PLCH1: variants seen among roughly 807,000 people sequenced by gnomAD.
PLCH1 encodes phospholipase C eta 1.
PLCH1 carries 60 observed loss-of-function variants against 126.7 expected under a neutral mutation model. The ratio of observed to expected loss-of-function variants is 0.47; its 90% CI spans 0.38 to 0.59. The LOEUF is 0.59. Among genes scored for constraint, PLCH1 ranks in the 20% least tolerant of loss-of-function variants. The pLI, the probability that PLCH1 is intolerant of heterozygous loss-of-function variation, is 0.00. For missense variants in PLCH1, 1,723 were observed against 2,040.0 expected (o/e 0.84, Z 2.99); for synonymous variants, 719 against 734.9 (o/e 0.98, Z 0.35).
intron 2 of PLCH1, among the ~76,000 whole-genome samples, chr3:155,628,398 G>C (rs1175817185): frequency 1.4e-5 from 2 of 141,910 alleles, no homozygotes; most frequent in African/African-American, 5.4e-5. Context: ...CGAAGACACA[G>C]AGACACCAAG....
intron 2 of PLCH1, among the ~76,000 whole-genome samples, chr3:155,687,715 TGA>T (rs1433660413): frequency 6.6e-6 from 1 of 152,190 alleles, no homozygotes; most frequent in Non-Finnish European, 1.5e-5. Context: ...GTTGACATAC[TGA>T]GACTAAGTAT....
intron 1 of PLCH1, among the ~76,000 whole-genome samples, chr3:155,725,402 C>T (rs1748241841): frequency 6.7e-6 from 1 of 150,292 alleles, no homozygotes; most frequent in African/African-American, 2.4e-5. Flanking sequence ...ACCTATTTCC[C>T]TTTCTATTAT....
intron 21 of PLCH1, among the ~76,000 whole-genome samples, chr3:155,469,103 C>A (rs1713049692): frequency 6.6e-6 from 1 of 152,190 alleles, no homozygotes; most frequent in African/African-American, 2.4e-5. Flanking sequence ...CAGCTCCGGT[C>A]TACAGCTCCC....
chr3:155,501,977 A>G (rs1717968517), intron 13 of PLCH1, among the ~76,000 whole-genome samples: 2 of 152,022 alleles, frequency 1.3e-5, no homozygotes, highest in Non-Finnish European at 2.9e-5. Flanking sequence ...CCATAGGACC[A>G]TGCCACCTTC....
intron 2 of PLCH1, among the ~76,000 whole-genome samples, chr3:155,632,445 G>A (rs1316505660): frequency 2.6e-5 from 4 of 152,208 alleles, no homozygotes; most frequent in African/African-American, 9.6e-5. Context: ...CAAATCAGCT[G>A]TAAAGCGGTT....
intron 2 of PLCH1, among the ~76,000 whole-genome samples, chr3:155,661,077 A>G (rs1742079854): frequency 1.3e-5 from 2 of 152,248 alleles, no homozygotes; most frequent in Non-Finnish European, 2.9e-5. Context: ...CATTTCAAAT[A>G]CCATATATGA....
intron 4 of PLCH1, among the ~76,000 whole-genome samples, chr3:155,588,909 G>GA (rs1468602244): frequency 1.3e-5 from 2 of 152,006 alleles, no homozygotes; most frequent in African/African-American, 2.4e-5. Context: ...TTCCATAAAT[G>GA]AAAAAACCAT....
At chr3:155,467,061 TA>T (rs1335773203) in intron 21 of PLCH1, among the ~76,000 whole-genome samples, 1 of 152,174 alleles carries the variant, frequency 6.6e-6, no homozygotes, top group Non-Finnish European at 1.5e-5. Flanking sequence ...GAGAAAGAGA[TA>T]GGGGGTAGAA....
chr3:155,700,986 G>C (rs1177674536), intron 2 of PLCH1, among the ~76,000 whole-genome samples: 2 of 152,154 alleles, frequency 1.3e-5, no homozygotes, highest in African/African-American at 4.8e-5. Flanking sequence ...ATTCCTTTGG[G>C]TTTTTCCTAA....
chr3:155,674,247 CAAT>C (rs1743859231), intron 2 of PLCH1, among the ~76,000 whole-genome samples: 1 of 152,084 alleles, frequency 6.6e-6, no homozygotes, highest in Non-Finnish European at 1.5e-5. Context: ...TAAACAACAA[CAAT>C]AACAATAATT....
rs367577591 is a variant in PLCH1 at position 155,649,977 on chromosome 3, C to CA, written c.80-53600dup. On this transcript the variant is annotated intron_variant, in intron 2 of 22. Transcript: ENST00000460012. Reference sequence around the variant, plus strand: ...TGGGCGACAGAGTGAGACTCCTTCTCAAAAAAAAAAGAAGTAGAATTAACA... The same window carrying CA: ...TGGGCGACAGAGTGAGACTCCTTCTCAAAAAAAAAAAGAAGTAGAATTAACA... Among the ~76,000 whole-genome samples the CA allele has an allele frequency of 6.6e-3, 967 of 146,414 alleles. 14 individuals are homozygous for CA. The highest frequency in any genetic ancestry group is 0.023 in the African/African-American group (914 of 39,902).
At chr3:155,598,461 A>T (rs963343569) in intron 2 of PLCH1, among the ~76,000 whole-genome samples, 1 of 152,216 alleles carries the variant, frequency 6.6e-6, no homozygotes, top group South Asian at 2.1e-4. Flanking sequence ...CACTGACAAT[A>T]GATCATATCA....
chr3:155,634,468 C>T (rs1738483724), intron 2 of PLCH1, among the ~76,000 whole-genome samples: 1 of 152,208 alleles, frequency 6.6e-6, no homozygotes, highest in African/African-American at 2.4e-5. Context: ...GGACTGAAAC[C>T]ATGGGGCTTC....
At chr3:155,603,958 G>A (rs1471551015) in intron 2 of PLCH1, among the ~76,000 whole-genome samples, 2 of 151,936 alleles carry the variant, frequency 1.3e-5, no homozygotes, top group African/African-American at 4.8e-5. Flanking sequence ...AATTAACCAG[G>A]TCTCGTGGCA....
At chr3:155,618,771 G>A (rs1736101260) in intron 2 of PLCH1, among the ~76,000 whole-genome samples, 2 of 152,124 alleles carry the variant, frequency 1.3e-5, no homozygotes, top group South Asian at 4.1e-4. Context: ...TCAGCTTCCT[G>A]AGGAGCTTCC....
chr3:155,676,481 G>A, intron 2 of PLCH1: 1 of 776,160 alleles, frequency 1.3e-6, no homozygotes. Flanking sequence ...ACCTTCAGAG[G>A]TCATTGAGAA....
chr3:155,493,483 G>T (rs1039150072), intron 17 of PLCH1, among the ~76,000 whole-genome samples: 1 of 152,138 alleles, frequency 6.6e-6, no homozygotes, highest in Admixed American at 6.5e-5. Context: ...TGCCTCCTGG[G>T]TTCCAGCGAT....
chr3:155,527,986 G>A (rs1235067490), intron 10 of PLCH1, among the ~76,000 whole-genome samples: 2 of 151,418 alleles, frequency 1.3e-5, no homozygotes, highest in Non-Finnish European at 2.9e-5. Flanking sequence ...AACTTTGGGA[G>A]GCCAAGGAGG....
chr3:155,614,638 C>T lies in PLCH1; in HGVS notation c.80-18260G>A, dbSNP rs563969756. 5.9e-5 allele frequency among the ~76,000 whole-genome samples: 9 copies of T among 152,300 alleles called. No homozygotes were observed. In the South Asian group the frequency reaches 1.9e-3, roughly 32 times the overall value. On this transcript the variant is annotated intron_variant, in intron 2 of 22. Coordinates refer to ENST00000460012, the MANE Select transcript of PLCH1 (RefSeq NM_014996.4). ...ACCCAGAAAGAAAGCCAAATATTTACAGCCAACTGACCTTCAACTAAGCAA... is the reference window on the plus strand; with the variant it reads ...ACCCAGAAAGAAAGCCAAATATTTATAGCCAACTGACCTTCAACTAAGCAA...
Sources: allele counts gnomAD v4.1 joint callset (sites outside exome capture counted in the v4.1 genomes callset), GRCh38; gene constraint gnomAD v4.1.1; transcripts MANE v1.5; gene names NCBI Gene and HGNC (gene_info 2026-07-23, HGNC 2026-07-21).